Variants in SLC9A9 observed in about 807,000 individuals in gnomAD.
SLC9A9 encodes sodium/hydrogen exchanger 9.
A neutral mutation model predicts 77.8 loss-of-function variants in SLC9A9; 62 were observed. That is an observed-to-expected ratio of 0.80 (90% confidence interval 0.65 to 0.98). SLC9A9 has a LOEUF of 0.98. SLC9A9 is among the 50% of genes least tolerant of loss of function. SLC9A9 has a pLI of 0.00. For synonymous variants in SLC9A9, 320 were observed against 283.5 expected, an observed-to-expected ratio of 1.13 and a Z score of -1.29; for missense variants, 775 against 774.9, an observed-to-expected ratio of 1.00 and a Z score of 0.00.
chr3:143,341,848 T>C (rs2032108317), intron 14 of SLC9A9, among the ~76,000 whole-genome samples: 1 of 152,174 alleles, frequency 6.6e-6, no homozygotes, highest in South Asian at 2.1e-4. Flanking sequence ...AGATCCAGAT[T>C]TCATGAAGTC....
chr3:143,400,627 C>A (rs1332939798), intron 12 of SLC9A9, among the ~76,000 whole-genome samples: 2 of 151,372 alleles, frequency 1.3e-5, no homozygotes, highest in Admixed American at 1.3e-4. Flanking sequence ...TCACAAATCA[C>A]CACAAAAGAA....
chr3:143,464,115 G>A (rs2035242261), intron 12 of SLC9A9, among the ~76,000 whole-genome samples: 1 of 152,280 alleles, frequency 6.6e-6, no homozygotes, highest in East Asian at 1.9e-4. Context: ...TCCAATTGAG[G>A]GTGTTTGGGT....
At chr3:143,363,873 TAC>T (rs140692198) in intron 13 of SLC9A9, among the ~76,000 whole-genome samples, 5,665 of 152,278 alleles carry the variant, frequency 0.037, 173 homozygotes, top group East Asian at 0.17. Flanking sequence ...GTGGGAATTT[TAC>T]AGTTTATTTC....
intron 6 of SLC9A9, among the ~76,000 whole-genome samples, chr3:143,604,534 A>T (rs1247583019): frequency 6.6e-6 from 1 of 152,216 alleles, no homozygotes; most frequent in African/African-American, 2.4e-5. Flanking sequence ...GAAGAAGGAG[A>T]GGCTGGCATT....
chr3:143,761,919 T>C (rs2007138331), intron 4 of SLC9A9, among the ~76,000 whole-genome samples: 1 of 152,116 alleles, frequency 6.6e-6, no homozygotes, highest in South Asian at 2.1e-4. Flanking sequence ...CTATTCACAA[T>C]AGCAAAGACA....
At chr3:143,387,748 T>C (rs2033461576) in intron 12 of SLC9A9, among the ~76,000 whole-genome samples, 1 of 149,822 alleles carries the variant, frequency 6.7e-6, no homozygotes, top group Non-Finnish European at 1.5e-5. Context: ...ATTAGACATA[T>C]TAAAATCTCA....
intron 1 of SLC9A9, among the ~76,000 whole-genome samples, chr3:143,832,503 T>C (rs2009463012): frequency 6.6e-6 from 1 of 152,180 alleles, no homozygotes; most frequent in Non-Finnish European, 1.5e-5. Context: ...TAACTCCTTC[T>C]ATCCATCCAA....
chr3:143,276,850 G>A (rs1262446767), intron 14 of SLC9A9, among the ~76,000 whole-genome samples: 4 of 151,786 alleles, frequency 2.6e-5, no homozygotes, highest in African/African-American at 7.3e-5. Context: ...ATTTCAGAGA[G>A]TTTTCAGATG....
chr3:143,307,808 C>T (rs2030855758), intron 14 of SLC9A9, among the ~76,000 whole-genome samples: 1 of 152,196 alleles, frequency 6.6e-6, no homozygotes, highest in African/African-American at 2.4e-5. Context: ...CCACTAGATA[C>T]AGGACATGGA....
At position 143,363,186 on chromosome 3, in the gene SLC9A9, G is replaced by T. The variant is rs115355508; in HGVS notation, c.1604+298C>A. 7.9e-4 allele frequency among the ~76,000 whole-genome samples: 121 copies of T among 152,248 alleles called. 1 individual carries two copies. Among genetic ancestry groups the T allele is most frequent in the African/African-American group, 2.8e-3 (117 of 41,526 alleles). ...GACCAGAAGTAAGAGCTTTACAAAG[G>T]GAGAACAGCAAAACAGCTTCTTCAG... On this transcript the variant is annotated intron_variant, in intron 14 of 15. Coordinates refer to ENST00000316549, the MANE Select transcript of SLC9A9 (RefSeq NM_173653.4).
chr3:143,271,502 T>C (rs1162365432), intron 14 of SLC9A9, among the ~76,000 whole-genome samples: 1 of 152,224 alleles, frequency 6.6e-6, no homozygotes, highest in African/African-American at 2.4e-5. Flanking sequence ...GTCTGAGTAA[T>C]GTTTTCTGGA....
At chr3:143,769,358 T>C (rs1157035331) in intron 4 of SLC9A9, among the ~76,000 whole-genome samples, 1 of 151,188 alleles carries the variant, frequency 6.6e-6, no homozygotes, top group East Asian at 1.9e-4. Flanking sequence ...TTTATTCCCC[T>C]TGATGGATTC....
chr3:143,625,764 T>C (rs1332795158), intron 6 of SLC9A9, among the ~76,000 whole-genome samples: 1 of 152,022 alleles, frequency 6.6e-6, no homozygotes, highest in Non-Finnish European at 1.5e-5. Context: ...AATTGACAAA[T>C]GGGATCTAAT....
At chr3:143,430,513 G>C (rs1200725922) in intron 12 of SLC9A9, among the ~76,000 whole-genome samples, 1 of 152,192 alleles carries the variant, frequency 6.6e-6, no homozygotes, top group African/African-American at 2.4e-5. Context: ...GCGGGACTTG[G>C]AGGCCCTAGC....
intron 1 of SLC9A9, among the ~76,000 whole-genome samples, chr3:143,846,583 G>A (rs1392718927): frequency 6.6e-6 from 1 of 152,024 alleles, no homozygotes; most frequent in African/African-American, 2.4e-5. Flanking sequence ...GCTGGGAATG[G>A]TGGCTCATGC....
intron 4 of SLC9A9, among the ~76,000 whole-genome samples, chr3:143,707,701 T>C (rs772793090): frequency 6.6e-6 from 1 of 152,216 alleles, no homozygotes. Context: ...GAAAACATCG[T>C]GTCTTTCACA....
At chr3:143,518,147 A>T in intron 9 of SLC9A9, 1 of 1,600,438 alleles carries the variant, frequency 6.2e-7, no homozygotes, top group South Asian at 1.1e-5. Context: ...CAGGAAGCGC[A>T]TTTCCTCGGT....
intron 14 of SLC9A9, among the ~76,000 whole-genome samples, chr3:143,358,358 T>G (rs1297196893): frequency 2.0e-5 from 3 of 152,212 alleles, no homozygotes; most frequent in African/African-American, 7.2e-5. Flanking sequence ...TGTTACTGTG[T>G]CAACTTGCCA....
At chr3:143,577,352 T>C (rs2037375799) in intron 7 of SLC9A9, among the ~76,000 whole-genome samples, 1 of 152,182 alleles carries the variant, frequency 6.6e-6, no homozygotes, top group African/African-American at 2.4e-5. Flanking sequence ...TGAATGCTAG[T>C]CTTCGCCTCC....
Sources: allele counts gnomAD v4.1 joint callset (sites outside exome capture counted in the v4.1 genomes callset), GRCh38; gene constraint gnomAD v4.1.1; transcripts MANE v1.5; gene names NCBI Gene and HGNC (gene_info 2026-07-23, HGNC 2026-07-21).